TENM2: variants seen among roughly 807,000 people sequenced by gnomAD.
TENM2 encodes teneurin-2.
TENM2 carries 52 observed loss-of-function variants against 245.2 expected under a neutral mutation model. The observed-to-expected ratio is 0.21, with a 90% CI of 0.17 to 0.27. The LOEUF (loss-of-function observed/expected upper bound fraction) is 0.27, where lower values mean the gene tolerates loss of function less well. Among genes scored for constraint, TENM2 ranks in the 10% least tolerant of loss-of-function variants. TENM2 has a pLI of 1.00. For synonymous variants in TENM2, 1,363 were observed against 1,438.9 expected, an observed-to-expected ratio of 0.95 and a Z score of 1.19; for missense variants, 3,046 against 3,666.8, an observed-to-expected ratio of 0.83 and a Z score of 4.37.
the TENM2 span, among the ~76,000 whole-genome samples, chr5:167,182,683 G>C: frequency 6.6e-6 from 1 of 151,962 alleles, no homozygotes; most frequent in African/African-American, 2.4e-5. Context: ...TTGACGGGAG[G>C]AATGGAAATG....
intron 4 of TENM2, among the ~76,000 whole-genome samples, chr5:167,970,485 T>G (rs1257387257): frequency 6.6e-6 from 1 of 152,184 alleles, no homozygotes; most frequent in South Asian, 2.1e-4. Context: ...ATTTCCTCTC[T>G]CTTGGAAATG....
chr5:168,099,315 C>G (rs1217908024), intron 9 of TENM2, among the ~76,000 whole-genome samples: 1 of 152,160 alleles, frequency 6.6e-6, no homozygotes, highest in Non-Finnish European at 1.5e-5. Context: ...AGTGCACTTG[C>G]TGCAGAGTCA....
At chr5:167,505,305 T>A (rs1769469416) in intron 2 of TENM2, among the ~76,000 whole-genome samples, 1 of 152,204 alleles carries the variant, frequency 6.6e-6, no homozygotes, top group Non-Finnish European at 1.5e-5. Context: ...ATTAGTCAAA[T>A]GCAAAACATG....
chr5:167,151,011 G>A, the TENM2 span, among the ~76,000 whole-genome samples: 1 of 152,166 alleles, frequency 6.6e-6, no homozygotes, highest in Non-Finnish European at 1.5e-5. Flanking sequence ...TGGTGGTTGA[G>A]TCAGGACTAC....
At chr5:168,176,324 G>A (rs1371722031) in intron 13 of TENM2, among the ~76,000 whole-genome samples, 1 of 152,154 alleles carries the variant, frequency 6.6e-6, no homozygotes, top group Non-Finnish European at 1.5e-5. Flanking sequence ...CTTCCATGCT[G>A]ATCTCATTTC....
the TENM2 span, among the ~76,000 whole-genome samples, chr5:167,134,852 G>A: frequency 6.6e-6 from 1 of 152,068 alleles, no homozygotes; most frequent in Non-Finnish European, 1.5e-5. Flanking sequence ...TCTTAGTAAT[G>A]GCTTTAAAAC....
At chr5:167,046,041 A>C in the TENM2 span, among the ~76,000 whole-genome samples, 1 of 152,140 alleles carries the variant, frequency 6.6e-6, no homozygotes, top group Non-Finnish European at 1.5e-5. Context: ...CAGTCACAAA[A>C]TTTGTCAAGA....
At chr5:166,988,054 C>G in the TENM2 span, among the ~76,000 whole-genome samples, 19 of 152,162 alleles carry the variant, frequency 1.2e-4, no homozygotes, top group African/African-American at 4.6e-4. Context: ...AGGTGAATAG[C>G]TCTGAAAGTG....
Position 168,204,307 on chromosome 5 carries a change from T to C in TENM2, c.3575-65T>C, listed in dbSNP as rs189919441. On this transcript the variant is annotated intron_variant, in intron 18 of 28. Transcript: ENST00000518659. ...ATTTGTCTCTTCCCCTCCCTCCCAGTTGGCCAATACACATGTCTTCCCCAG... is the reference window on the plus strand; with the variant it reads ...ATTTGTCTCTTCCCCTCCCTCCCAGCTGGCCAATACACATGTCTTCCCCAG... 9.1e-5 allele frequency: 140 copies of C among 1,531,380 alleles called. No homozygotes were observed. In the African/African-American group the frequency reaches 1.7e-3, roughly 19 times the overall value. The allele number at this position is 1,531,380 out of a possible 1,614,324, so 94.9% of individuals were successfully genotyped here.
intron 2 of TENM2, among the ~76,000 whole-genome samples, chr5:167,379,688 A>G (rs1053919655): frequency 6.6e-6 from 1 of 152,144 alleles, no homozygotes; most frequent in African/African-American, 2.4e-5. Flanking sequence ...GAACAGACAT[A>G]AAAACTTACT....
At chr5:167,285,767 T>C (rs17068250) in intron 1 of TENM2, among the ~76,000 whole-genome samples, 9,136 of 152,336 alleles carry the variant, frequency 0.06, 387 homozygotes, top group East Asian at 0.2. Flanking sequence ...CCAGCCTCGC[T>C]GTGTGTGCAC....
intron 13 of TENM2, among the ~76,000 whole-genome samples, chr5:168,182,523 G>A (rs1760003816): frequency 6.6e-6 from 1 of 152,198 alleles, no homozygotes; most frequent in Admixed American, 6.5e-5. Flanking sequence ...AGATGACACA[G>A]CTGATAAATA....
chr5:167,367,092 G>A (rs941752028), intron 1 of TENM2, among the ~76,000 whole-genome samples: 3 of 152,062 alleles, frequency 2.0e-5, no homozygotes, highest in South Asian at 2.1e-4. Flanking sequence ...CACATCAGAG[G>A]AGAATGCCAC....
intron 2 of TENM2, among the ~76,000 whole-genome samples, chr5:167,726,414 C>T (rs145609462): frequency 3.9e-5 from 6 of 152,200 alleles, no homozygotes; most frequent in South Asian, 2.1e-4. Context: ...TGTGAATAGG[C>T]GAGGCCCCTT....
chr5:167,920,974 T>C (rs1275091707), intron 3 of TENM2, among the ~76,000 whole-genome samples: 1 of 152,198 alleles, frequency 6.6e-6, no homozygotes. Context: ...CCCAAATTCT[T>C]CTTAATCATT....
intron 2 of TENM2, among the ~76,000 whole-genome samples, chr5:167,661,225 C>T (rs1014729408): frequency 1.3e-5 from 2 of 152,124 alleles, no homozygotes; most frequent in African/African-American, 4.8e-5. Context: ...ATTCCAGCCT[C>T]CTGCTTTAGC....
At chr5:167,649,603 C>A (rs1463064878) in intron 2 of TENM2, among the ~76,000 whole-genome samples, 1 of 152,090 alleles carries the variant, frequency 6.6e-6, no homozygotes, top group Non-Finnish European at 1.5e-5. Flanking sequence ...ATTTTAATTG[C>A]ACATGAAACC....
intron 2 of TENM2, among the ~76,000 whole-genome samples, chr5:167,630,165 A>C (rs1284068393): frequency 1.3e-5 from 2 of 149,428 alleles, no homozygotes; most frequent in Non-Finnish European, 3.0e-5. Flanking sequence ...TAAGTGGAGC[A>C]CTTTTACTTT....
At chr5:167,420,610 G>A (rs2127422402) in intron 2 of TENM2, among the ~76,000 whole-genome samples, 1 of 152,264 alleles carries the variant, frequency 6.6e-6, no homozygotes, top group East Asian at 1.9e-4. Context: ...GTATCTTCAT[G>A]TCTAATGTTG....
Sources: gnomAD v4.1 joint callset for allele counts (sites outside exome capture counted in the v4.1 genomes callset) on GRCh38, gnomAD v4.1.1 for gene constraint, MANE v1.5 for transcripts, NCBI Gene and HGNC (gene_info 2026-07-23, HGNC 2026-07-21) for gene names.